MYOF: variants seen among roughly 807,000 people sequenced by gnomAD.
MYOF encodes fer-1-like 3, myoferlin.
Under a neutral mutation model 284.2 loss-of-function variants are expected in MYOF, and 244 were observed. The ratio of observed to expected loss-of-function variants is 0.86; its 90% CI spans 0.77 to 0.95. The LOEUF (loss-of-function observed/expected upper bound fraction) is 0.95. MYOF is among the 40% of genes least tolerant of loss of function. The pLI is 0.00. For missense variants in MYOF, 2,496 were observed against 2,560.6 expected (o/e 0.97, Z 0.54); for synonymous variants, 904 against 919.7 (o/e 0.98, Z 0.31).
At chr10:93,356,607 G>T in intron 30 of MYOF, 68 bp downstream of exon 30, 1 of 1,501,494 alleles carries the variant, frequency 6.7e-7, no homozygotes. Context: ...AGTTGGCAGT[G>T]CTGTATCCAA....
In MYOF at chr10:93,374,845, A is replaced by G; in HGVS notation, c.2219T>C (p.Met740Thr). Reference protein sequence around the residue: ...LSQIHEAAVRMRSEATDVKST... With the variant: ...LSQIHEAAVRTRSEATDVKST... ...CTTCACATCTGTGGCTTCCGACCTC[A>G]TCCTCACAGCCGCCTCATGTATTTG... The change falls in exon 23 of 54, where the codon ATG (methionine) becomes ACG (threonine). Residue 740 changes from methionine to threonine, a missense_variant. This residue lies in a region of MYOF where 2,436 missense variants were observed against 2,480.7 expected (regional missense o/e 0.98). Transcript: ENST00000359263. 1 of 1,614,122 alleles carries G rather than the reference A, an allele frequency of 6.2e-7. No homozygotes were observed. Among genetic ancestry groups the G allele is most frequent in the East Asian group, 2.2e-5 (1 of 44,878 alleles).
chr10:93,420,765 G>A (rs1270294046), intron 5 of MYOF, among the ~76,000 whole-genome samples: 3 of 152,192 alleles, frequency 2.0e-5, no homozygotes, highest in Admixed American at 6.5e-5. Context: ...TCCGTGTCAT[G>A]TATCTCTGTG....
chr10:93,411,574 C>G lies in MYOF; in HGVS notation c.434-1835G>C, dbSNP rs554286031. Among the ~76,000 whole-genome samples, 27 of 152,250 alleles carry G rather than the reference C, an allele frequency of 1.8e-4. No homozygotes were observed. The South Asian group carries it at 3.5e-3, about 20-fold the overall frequency. Reference sequence around the variant, plus strand: ...TGGAGCACAGGACACTTCCTGGAACCAGCTATGGGGGGTGTGGGGATGGGG... The same window carrying G: ...TGGAGCACAGGACACTTCCTGGAACGAGCTATGGGGGGTGTGGGGATGGGG... On this transcript the variant is annotated intron_variant, in intron 5 of 53. Coordinates refer to ENST00000359263, the MANE Select transcript of MYOF (RefSeq NM_013451.4).
chr10:93,435,396 T>C (rs1269221533), intron 3 of MYOF, among the ~76,000 whole-genome samples: 2 of 152,210 alleles, frequency 1.3e-5, no homozygotes, highest in Non-Finnish European at 1.5e-5. Context: ...CTAGATACCA[T>C]TTGTGATCAT....
At chr10:93,425,403 C>T (rs1191803890) in intron 5 of MYOF, among the ~76,000 whole-genome samples, 1 of 152,078 alleles carries the variant, frequency 6.6e-6, no homozygotes, top group Non-Finnish European at 1.5e-5. Flanking sequence ...GAGAGGGGGT[C>T]CGACTCAGCT....
intron 26 of MYOF, among the ~76,000 whole-genome samples, chr10:93,366,068 G>A (rs1331363030): frequency 6.6e-6 from 1 of 152,190 alleles, no homozygotes; most frequent in African/African-American, 2.4e-5. Context: ...CTTGCAAGTA[G>A]GGTCAAATCT....
rs563338043 is a variant in MYOF, at chr10:93,387,816, T to G, written c.1679A>C (p.Asp560Ala). The G allele has an allele frequency of 6.0e-5, 97 of 1,614,014 alleles. 1 individual carries two copies. In the South Asian group the frequency reaches 1.0e-3, roughly 17 times the overall value. ...PDKKLEPISN[D>A]DLLVVEKYQR... ...ATTTACCTCAACAACCAGCAGGTCATCATTTGAAATGGGCTCAAGCTTTTT... is the reference window on the plus strand; with the variant it reads ...ATTTACCTCAACAACCAGCAGGTCAGCATTTGAAATGGGCTCAAGCTTTTT... The change falls in exon 19 of 54, where the codon GAT (aspartate) becomes GCT (alanine). Residue 560 changes from aspartate (D) to alanine (A), a missense_variant. This residue lies in a region of MYOF where 2,436 missense variants were observed against 2,480.7 expected (regional missense o/e 0.98). Coordinates refer to ENST00000359263, the MANE Select transcript of MYOF (RefSeq NM_013451.4).
chr10:93,356,753 GCGGAAGGTATCTGAACTA>G lies in MYOF; in HGVS notation c.3198_3215del (p.Ser1067_Arg1072del). The G allele has an allele frequency of 6.2e-6, 10 of 1,614,216 alleles. No homozygotes were observed. Among genetic ancestry groups the G allele is most frequent in the Non-Finnish European group, 8.5e-6 (10 of 1,180,038 alleles). On this transcript the variant is annotated inframe_deletion, in exon 30 of 54. Transcript: ENST00000359263. Reference sequence around the variant, plus strand: ...CCATTTTTCTCCTCCAGCGTCTGCGGCGGAAGGTATCTGAACTACGTTGTTTCCAGTGAAATTTCCAGC... The same window carrying G: ...CCATTTTTCTCCTCCAGCGTCTGCGGCGTTGTTTCCAGTGAAATTTCCAGC...
intron 37 of MYOF, among the ~76,000 whole-genome samples, chr10:93,346,267 C>T (rs943980072): frequency 6.6e-6 from 1 of 152,228 alleles, no homozygotes; most frequent in Non-Finnish European, 1.5e-5. Context: ...GTCAGACCTA[C>T]ACAGCAGATG....
intron 16 of MYOF, 59 bp from the exon 17 acceptor site, chr10:93,393,014 A>G: frequency 6.8e-7 from 1 of 1,462,234 alleles, no homozygotes; most frequent in East Asian, 2.3e-5. Context: ...TAAAACAGAC[A>G]TTGAAAACGT....
intron 5 of MYOF, 89 bp from the exon 6 acceptor site, chr10:93,409,828 C>G: frequency 6.7e-7 from 1 of 1,503,088 alleles, no homozygotes; most frequent in African/African-American, 1.4e-5. Flanking sequence ...GTTTTGTCTG[C>G]CATTATGTTT....
At chr10:93,410,311 T>C (rs1482655583) in intron 5 of MYOF, among the ~76,000 whole-genome samples, 1 of 152,180 alleles carries the variant, frequency 6.6e-6, no homozygotes. Context: ...GGTTTGTCAC[T>C]TTAACACACA....
At chr10:93,436,122 A>G (rs1849107637) in intron 3 of MYOF, among the ~76,000 whole-genome samples, 1 of 152,094 alleles carries the variant, frequency 6.6e-6, no homozygotes, top group Non-Finnish European at 1.5e-5. Flanking sequence ...CCAATAACAG[A>G]AATGTGGAAT....
chr10:93,473,932 C>T (rs762014643), intron 1 of MYOF, among the ~76,000 whole-genome samples: 4 of 152,154 alleles, frequency 2.6e-5, no homozygotes, highest in South Asian at 2.1e-4. Context: ...GCCTCCCTGC[C>T]GCCTCAGGTG....
At chr10:93,462,123 CTG>C in intron 1 of MYOF, among the ~76,000 whole-genome samples, 1 of 149,502 alleles carries the variant, frequency 6.7e-6, no homozygotes, top group South Asian at 2.1e-4. Flanking sequence ...TAGAGTCTCA[CTG>C]TGTTGCCCAG....
At chr10:93,337,039 T>A (rs1843648519) in intron 40 of MYOF, among the ~76,000 whole-genome samples, 1 of 151,908 alleles carries the variant, frequency 6.6e-6, no homozygotes, top group Non-Finnish European at 1.5e-5. Flanking sequence ...TCCTTCAGCC[T>A]CATTGGATCA....
intron 50 of MYOF, 46 bp downstream of exon 50, chr10:93,316,668 T>G (rs745404813): frequency 9.3e-6 from 14 of 1,512,822 alleles, no homozygotes; most frequent in Non-Finnish European, 1.1e-5. Flanking sequence ...CCCCACTAAT[T>G]CCAAGTACAG....
chr10:93,355,250 G>A (rs1451320713), intron 31 of MYOF, among the ~76,000 whole-genome samples: 1 of 152,226 alleles, frequency 6.6e-6, no homozygotes. Flanking sequence ...GATTTGAAGA[G>A]TTTCCTTAAG....
At position 93,333,808 on chromosome 10, in the gene MYOF, T is replaced by TC; in HGVS notation, c.4668dup (p.Ile1557AspfsTer19). ...AGCTCTAAGCCTCGAACAATGTAAA[T>TC]CCTAACCGTGCATTCCTGTGGGACG... On this transcript the variant is annotated frameshift_variant, in exon 42 of 54. Transcript: ENST00000359263. LOFTEE classifies it high-confidence loss of function. 6.2e-7 allele frequency: 1 copy of TC among 1,614,086 alleles called. No homozygotes were observed. Among genetic ancestry groups the TC allele is most frequent in the Non-Finnish European group, 8.5e-7 (1 of 1,180,030 alleles).
Sources: gnomAD v4.1 joint callset for allele counts (sites outside exome capture counted in the v4.1 genomes callset) on GRCh38, gnomAD v4.1.1 for gene constraint, gnomAD v4.1.1 regional missense constraint, MANE v1.5 for transcripts, NCBI Gene and HGNC (gene_info 2026-07-23, HGNC 2026-07-21) for gene names.